TOMM20L: variants seen among roughly 807,000 people sequenced by gnomAD.
TOMM20L encodes the protein TOMM20-like protein 1.
A neutral mutation model predicts 20.4 loss-of-function variants in TOMM20L; 19 were observed. That is an observed-to-expected ratio of 0.93 (90% CI 0.65 to 1.36). The LOEUF (loss-of-function observed/expected upper bound fraction) is 1.36. Ranked by LOEUF, TOMM20L falls within the 40% of genes most tolerant of loss-of-function variation. The pLI, the probability that TOMM20L is intolerant of heterozygous loss-of-function variation, is 0.00. For missense variants in TOMM20L, 218 were observed against 203.7 expected (o/e 1.07, Z -0.43); for synonymous variants, 75 against 79.6 (o/e 0.94, Z 0.30).
chr14:58,410,735 G>A, downstream of TOMM20L: 1 of 739,030 alleles, frequency 1.4e-6, no homozygotes, highest in Non-Finnish European at 2.2e-6. Context: ...AACATAAAAG[G>A]TAGTCTAAAT....
chr14:58,400,035 T>C (rs1375529343), intron 2 of TOMM20L, among the ~76,000 whole-genome samples: 1 of 151,382 alleles, frequency 6.6e-6, no homozygotes, highest in African/African-American at 2.4e-5. Context: ...TCTATTCTTA[T>C]GCTGTTAGAG....
At position 58,396,001 on chromosome 14, in the gene TOMM20L, C is replaced by T. The variant is rs1364359602; in HGVS notation, c.44C>T (p.Ala15Val). 4 of 1,450,536 alleles carry T rather than the reference C, an allele frequency of 2.8e-6. No homozygotes were observed. The highest frequency in any genetic ancestry group is 2.3e-5 in the Admixed American group (1 of 43,542). 89.9% of individuals were successfully genotyped at this position (1,450,536 alleles called of 1,614,324 possible). A position where few individuals can be genotyped will look rare whatever the true frequency, so the allele number is the denominator to read the frequency against. Residue 15 changes from alanine to valine, a missense_variant, in exon 1 of 5, where the codon GCG becomes GTG. By Grantham distance (64) the Ala-to-Val change is moderately conservative. Coordinates refer to ENST00000360945, the MANE Select transcript of TOMM20L (RefSeq NM_207377.3). ...CTCCTCCGCCTCTTGGCCGCCGCGG[C>T]GGCCTGTGGCGCCTTCGCCTTCCTG... ...RSLLRLLAAA[A>V]ACGAFAFLGY...
chr14:58,410,824 T>G (rs1300505752), downstream of TOMM20L: 2 of 1,556,300 alleles, frequency 1.3e-6, no homozygotes, highest in Admixed American at 1.9e-5. Context: ...AGAATTTTAG[T>G]GAGTAACACT....
downstream of TOMM20L, chr14:58,411,897 A>C: frequency 6.2e-7 from 1 of 1,613,556 alleles, no homozygotes; most frequent in Non-Finnish European, 8.5e-7. Context: ...CCTTAATTAG[A>C]ATACCTTACC....
intron 2 of TOMM20L, among the ~76,000 whole-genome samples, chr14:58,400,302 G>A (rs1173665333): frequency 7.2e-5 from 11 of 151,886 alleles, no homozygotes; most frequent in African/African-American, 2.7e-4. Flanking sequence ...GTCCCTGGGA[G>A]GCTGAGGCAA....
At chr14:58,409,252 G>A (rs1595004740), downstream of TOMM20L, 1 of 1,501,100 alleles carries the variant, frequency 6.7e-7, no homozygotes, top group Middle Eastern at 1.7e-4. Flanking sequence ...AATCAGTGGG[G>A]TAGTTTGCTT....
chr14:58,415,742 A>C, the TOMM20L span, among the ~76,000 whole-genome samples: 1 of 152,160 alleles, frequency 6.6e-6, no homozygotes. Context: ...TTGTCTCATT[A>C]GAGTCCAAGA....
the TOMM20L span, among the ~76,000 whole-genome samples, chr14:58,416,787 A>C: frequency 6.6e-6 from 1 of 152,194 alleles, no homozygotes; most frequent in African/African-American, 2.4e-5. Context: ...CCATGAGAAA[A>C]AGTTTTAGTA....
At chr14:58,406,912 T>A (rs1214330284) in intron 3 of TOMM20L, among the ~76,000 whole-genome samples, 4 of 152,206 alleles carry the variant, frequency 2.6e-5, no homozygotes, top group African/African-American at 4.8e-5. Context: ...CTATTTTTTT[T>A]AAGTTCCATT....
At chr14:58,415,672 C>A in the TOMM20L span, among the ~76,000 whole-genome samples, 176 of 152,072 alleles carry the variant, frequency 1.2e-3, no homozygotes, top group African/African-American at 4.0e-3. Flanking sequence ...CAGAGAAAAA[C>A]AGAATGAAAA....
intron 3 of TOMM20L, among the ~76,000 whole-genome samples, chr14:58,404,427 C>G (rs1435032982): frequency 6.6e-6 from 1 of 151,680 alleles, no homozygotes; most frequent in Non-Finnish European, 1.5e-5. Flanking sequence ...CCGCGCCCGG[C>G]CATATATTTT....
At chr14:58,405,542 G>A (rs1382126875) in intron 3 of TOMM20L, among the ~76,000 whole-genome samples, 1 of 152,072 alleles carries the variant, frequency 6.6e-6, no homozygotes, top group Non-Finnish European at 1.5e-5. Flanking sequence ...TGGGGACAGT[G>A]TCTCACTCTG....
chr14:58,402,535 G>C, intron 2 of TOMM20L, 145 bp from the exon 3 acceptor site: 2 of 540,622 alleles, frequency 3.7e-6, no homozygotes, highest in South Asian at 4.2e-5. Context: ...TGATCTGCCT[G>C]CCTCGGCCTC....
Position 58,404,090 on chromosome 14 carries a change from C to CATATATGTGTGTGTATATAT in TOMM20L, c.262+1335_262+1336insGTGTGTGTATATATATATAT, listed in dbSNP as rs1470382627. Among the ~76,000 whole-genome samples, 28 of 16,834 alleles carry CATATATGTGTGTGTATATAT rather than the reference C, an allele frequency of 1.7e-3. 1 individual carries two copies. The highest frequency in any genetic ancestry group is 0.056 in the Middle Eastern group (1 of 18). 11.0% of individuals were successfully genotyped at this position (16,834 alleles called of 152,430 possible). A position where few individuals can be genotyped will look rare whatever the true frequency, so the allele number is the denominator to read the frequency against. ...CACCCATCAGTACAATGTATATATA[C>CATATATGTGTGTGTATATAT]ATATATATGTATATATATATATATA... On this transcript the variant is annotated intron_variant, in intron 3 of 4. Transcript: ENST00000360945.
At chr14:58,412,047 A>G, downstream of TOMM20L, 1 of 1,048,624 alleles carries the variant, frequency 9.5e-7, no homozygotes, top group Non-Finnish European at 1.4e-6. Context: ...TTAGGGAATC[A>G]CTGCTCGTAT....
chr14:58,402,239 T>G (rs2036001328), intron 2 of TOMM20L, among the ~76,000 whole-genome samples: 1 of 152,168 alleles, frequency 6.6e-6, no homozygotes, highest in Non-Finnish European at 1.5e-5. Context: ...AACAACTACA[T>G]TTGTCATACT....
chr14:58,410,516 A>G (rs1247276573), downstream of TOMM20L, among the ~76,000 whole-genome samples: 2 of 152,218 alleles, frequency 1.3e-5, no homozygotes, highest in Non-Finnish European at 1.5e-5. Flanking sequence ...TCCCAGGGCC[A>G]TACAGAAAGG....
At chr14:58,409,318 C>G, downstream of TOMM20L, 1 of 824,726 alleles carries the variant, frequency 1.2e-6, no homozygotes, top group South Asian at 1.8e-5. Context: ...CTGACCATAG[C>G]TTTTAATTGA....
chr14:58,396,283 G>C lies in TOMM20L; in HGVS notation c.137-15G>C. 6.2e-7 allele frequency: 1 copy of C among 1,612,958 alleles called. No homozygotes were observed. Among genetic ancestry groups the C allele is most frequent in the East Asian group, 2.2e-5 (1 of 44,864 alleles). On this transcript the variant is annotated splice_polypyrimidine_tract_variant and intron_variant, in intron 1 of 4. Coordinates refer to ENST00000360945, the MANE Select transcript of TOMM20L (RefSeq NM_207377.3). The stretch of plus-strand genomic sequence containing the variant: ...ACGGGCCTCCCAGCCAGCATGTGCC[G>C]TGTTGTGTTCGCAGAAAGAAGAGCA...
Sources: gnomAD v4.1 joint callset for allele counts (sites outside exome capture counted in the v4.1 genomes callset) on GRCh38, gnomAD v4.1.1 for gene constraint, MANE v1.5 for transcripts, NCBI Gene and HGNC (gene_info 2026-07-23, HGNC 2026-07-21) for gene names.